Variants in BICD1 observed in about 807,000 individuals in gnomAD.
BICD1 encodes protein bicaudal D homolog 1.
BICD1 carries 35 observed loss-of-function variants against 92.5 expected under a neutral mutation model. The ratio of observed to expected loss-of-function variants is 0.38; its 90% confidence interval spans 0.29 to 0.50. The LOEUF (loss-of-function observed/expected upper bound fraction) is 0.50. BICD1 is among the 20% of genes least tolerant of loss of function. The probability of loss-of-function intolerance (pLI) is 0.93; values close to 1 mark genes in which losing one functional copy is unlikely to be tolerated. For missense variants in BICD1, 950 were observed against 1,189.8 expected (o/e 0.80, Z 2.97); for synonymous variants, 429 against 465.1 (o/e 0.92, Z 1.00).
chr12:32,373,528 T>C (rs947383815), intron 9 of BICD1, among the ~76,000 whole-genome samples: 5 of 152,180 alleles, frequency 3.3e-5, no homozygotes, highest in African/African-American at 1.2e-4. Flanking sequence ...ATTTAAGCTA[T>C]AGCTACACAC....
intron 4 of BICD1, among the ~76,000 whole-genome samples, chr12:32,323,913 A>G (rs1282349419): frequency 6.6e-6 from 1 of 152,240 alleles, no homozygotes; most frequent in Non-Finnish European, 1.5e-5. Context: ...TTATAAATAT[A>G]TATAGAAATG....
intron 1 of BICD1, among the ~76,000 whole-genome samples, chr12:32,125,623 C>T (rs977116337): frequency 1.3e-5 from 2 of 152,206 alleles, no homozygotes; most frequent in African/African-American, 4.8e-5. Context: ...ACTAACCTTC[C>T]TGCTAGCAAC....
At chr12:32,261,863 G>A (rs1946867477) in intron 2 of BICD1, among the ~76,000 whole-genome samples, 1 of 152,218 alleles carries the variant, frequency 6.6e-6, no homozygotes, top group African/African-American at 2.4e-5. Flanking sequence ...AAGGGTTGAA[G>A]CAGGAGAGGA....
chr12:32,333,033 A>C, intron 5 of BICD1: 3 of 985,434 alleles, frequency 3.0e-6, no homozygotes, highest in Non-Finnish European at 3.6e-6. Context: ...GGTATTTGTC[A>C]CAAACAATAA....
At chr12:32,134,862 G>A (rs1197690643) in intron 1 of BICD1, among the ~76,000 whole-genome samples, 1 of 152,194 alleles carries the variant, frequency 6.6e-6, no homozygotes, top group East Asian at 1.9e-4. Context: ...GCCACAGTCA[G>A]GCTTGGTGAT....
chr12:32,326,986 A>T (rs1592678436), intron 4 of BICD1, among the ~76,000 whole-genome samples: 2 of 152,184 alleles, frequency 1.3e-5, no homozygotes, highest in Non-Finnish European at 2.9e-5. Flanking sequence ...TAGGGAGTTA[A>T]AGCCTTAGGT....
intron 1 of BICD1, among the ~76,000 whole-genome samples, chr12:32,188,437 G>A (rs1437101907): frequency 2.6e-5 from 4 of 152,196 alleles, no homozygotes; most frequent in Admixed American, 1.3e-4. Context: ...TGTGTCAAAC[G>A]TAGTTTACAA....
intron 2 of BICD1, among the ~76,000 whole-genome samples, chr12:32,284,279 C>G (rs1436418079): frequency 1.3e-5 from 2 of 152,184 alleles, no homozygotes; most frequent in African/African-American, 4.8e-5. Flanking sequence ...GTTGTTCTCC[C>G]TTACTCCCCT....
intron 8 of BICD1, among the ~76,000 whole-genome samples, chr12:32,348,730 AT>A: frequency 7.2e-4 from 1 of 1,380 alleles, no homozygotes; most frequent in South Asian, 0.02. Context: ...AAAAATATAT[AT>A]ATATATATAT....
chr12:32,375,993 T>C (rs373119750), intron 9 of BICD1, among the ~76,000 whole-genome samples: 70 of 152,272 alleles, frequency 4.6e-4, no homozygotes, highest in Non-Finnish European at 6.6e-4. Context: ...CTGACTTTCA[T>C]AGTTTAAGGG....
chr12:32,380,940 C>G lies in BICD1; in HGVS notation c.*3313C>G, dbSNP rs1210564784. The G allele has an allele frequency of 6.6e-6, 1 of 151,990 alleles. No individual in the cohort carries two copies. Among genetic ancestry groups the G allele is most frequent in the Non-Finnish European group, 1.5e-5 (1 of 67,958 alleles). 9.4% of individuals were successfully genotyped at this position (151,990 alleles called of 1,614,324 possible). The stretch of plus-strand genomic sequence containing the variant: ...AACTCTAGGAAAGAGATTTTTAACA[C>G]TGGGAAATTAACGTGGAAATTGATA... On this transcript the variant is annotated 3_prime_UTR_variant, in exon 10 of 10. Transcript: ENST00000652176.
intron 2 of BICD1, among the ~76,000 whole-genome samples, chr12:32,244,931 T>C (rs1015038067): frequency 6.6e-6 from 1 of 151,980 alleles, no homozygotes; most frequent in African/African-American, 2.4e-5. Context: ...CCGGCCGACA[T>C]AGGCTATTTT....
chr12:32,169,483 T>G (rs2121514061), intron 1 of BICD1, among the ~76,000 whole-genome samples: 1 of 152,252 alleles, frequency 6.6e-6, no homozygotes, highest in East Asian at 1.9e-4. Flanking sequence ...TCTGCTATGT[T>G]GCCCAGGCTG....
chr12:32,373,804 C>T (rs998136279), intron 9 of BICD1, among the ~76,000 whole-genome samples: 11 of 150,276 alleles, frequency 7.3e-5, no homozygotes, highest in African/African-American at 2.2e-4. Context: ...CACTTGAACC[C>T]GGAAGGTGGA....
chr12:32,211,258 T>A (rs556260520), intron 1 of BICD1, among the ~76,000 whole-genome samples: 69 of 152,316 alleles, frequency 4.5e-4, no homozygotes, highest in African/African-American at 1.7e-3. Context: ...TATACTTTCA[T>A]TGTTTTTCAA....
intron 1 of BICD1, among the ~76,000 whole-genome samples, chr12:32,128,930 G>A (rs1229979185): frequency 6.8e-6 from 1 of 146,500 alleles, no homozygotes; most frequent in Non-Finnish European, 1.5e-5. Context: ...GCACCACCAT[G>A]TCCAACTAAT....
chr12:32,113,292 C>T (rs1374605123), intron 1 of BICD1, among the ~76,000 whole-genome samples: 3 of 152,168 alleles, frequency 2.0e-5, no homozygotes, highest in African/African-American at 4.8e-5. Flanking sequence ...TGAGAATCTT[C>T]TCAGGCTGGA....
At chr12:32,233,092 C>T (rs1164251088) in intron 2 of BICD1, among the ~76,000 whole-genome samples, 2 of 152,148 alleles carry the variant, frequency 1.3e-5, no homozygotes, top group East Asian at 1.9e-4. Context: ...GAGGCCAAGG[C>T]GGGCATATCA....
In BICD1 at chr12:32,377,327, A is replaced by G. The variant is rs564375840; in HGVS notation, c.2841-213A>G. Among the ~76,000 whole-genome samples, 16 of 152,318 alleles carry G rather than the reference A, an allele frequency of 1.1e-4. No individual in the cohort carries two copies. In the South Asian group the frequency reaches 3.1e-3, roughly 30 times the overall value. ...GAGTGACTTTGAGGGAAGAGTGCATATATCATTTCCTTAATACATTTCATT... is the reference window on the plus strand; with the variant it reads ...GAGTGACTTTGAGGGAAGAGTGCATGTATCATTTCCTTAATACATTTCATT... On this transcript the variant is annotated intron_variant, in intron 9 of 9. Transcript: ENST00000652176.
Sources: gnomAD v4.1 joint callset for allele counts (sites outside exome capture counted in the v4.1 genomes callset) on GRCh38, gnomAD v4.1.1 for gene constraint, MANE v1.5 for transcripts, NCBI Gene and HGNC (gene_info 2026-07-23, HGNC 2026-07-21) for gene names.